The following GLRA2 variants were observed in gnomAD, a reference collection of about 807,000 sequenced individuals.
GLRA2 encodes the protein glycine receptor alpha 2.
A neutral mutation model predicts 31.6 loss-of-function variants in GLRA2; 11 were observed. That is an observed-to-expected ratio of 0.35 (90% CI 0.22 to 0.58). The LOEUF is 0.58. Ranked by LOEUF, GLRA2 falls within the 20% of genes least tolerant of loss-of-function variation. The pLI, the probability that GLRA2 is intolerant of heterozygous loss-of-function variation, is 0.84. For missense variants in GLRA2, 212 were observed against 351.8 expected, an observed-to-expected ratio of 0.60 and a Z score of 3.18; for synonymous variants, 132 against 134.0, an observed-to-expected ratio of 0.99 and a Z score of 0.10.
intron 8 of GLRA2, among the ~76,000 whole-genome samples, chrX:14,716,603 A>G (rs1345751000): frequency 9.0e-6 from 1 of 111,227 alleles, no homozygotes; most frequent in African/African-American, 3.3e-5. Context: ...GATCACTACA[A>G]ACACAATTAT....
At position 14,725,938 on chromosome X, in the gene GLRA2, AT is replaced by A. The variant is rs1427792039; in HGVS notation, c.1081-4266del. On this transcript the variant is annotated intron_variant, in intron 8 of 8. Transcript: ENST00000218075. ...ACTGGATGATTCATTTTCTGTGAGA[AT>A]TTAACTAATCAGTGAATAACAAAAG... is the stretch of plus-strand genomic sequence containing the variant. Among the ~76,000 whole-genome samples the A allele has an allele frequency of 2.7e-5, 3 of 112,629 alleles. No homozygotes were observed. In the Admixed American group the frequency reaches 2.8e-4, roughly 11 times the overall value.
At chrX:14,529,167 T>C, upstream of GLRA2, 1 of 110,577 alleles carries the variant, frequency 9.0e-6, no homozygotes. Context: ...ATTTCAGTAC[T>C]CTGAATCCTG....
At chrX:14,667,808 CTT>C (rs1393738597) in intron 7 of GLRA2, among the ~76,000 whole-genome samples, 5 of 111,667 alleles carry the variant, frequency 4.5e-5, no homozygotes, top group Non-Finnish European at 7.5e-5. Flanking sequence ...ATCTATATTT[CTT>C]TCTCTCTCCT....
intron 2 of GLRA2, among the ~76,000 whole-genome samples, chrX:14,566,175 G>A (rs371526291): frequency 9.0e-6 from 1 of 111,410 alleles, no homozygotes; most frequent in Non-Finnish European, 1.9e-5. Context: ...AGAAGATTAC[G>A]AATAATTTAG....
At chrX:14,576,561 TGC>T (rs1005668429) in intron 3 of GLRA2, among the ~76,000 whole-genome samples, 4 of 112,165 alleles carry the variant, frequency 3.6e-5, no homozygotes, top group Non-Finnish European at 7.5e-5. Flanking sequence ...ATTCCCATGT[TGC>T]TTTGATTAAA....
chrX:14,474,067 T>C, the GLRA2 span, among the ~76,000 whole-genome samples: 1 of 111,360 alleles, frequency 9.0e-6, no homozygotes, highest in Non-Finnish European at 1.9e-5. Context: ...AAATAGCCCA[T>C]AATAATCCTT....
intron 7 of GLRA2, among the ~76,000 whole-genome samples, chrX:14,645,081 C>T (rs1176538390): frequency 6.3e-5 from 7 of 111,611 alleles, no homozygotes; most frequent in Non-Finnish European, 1.3e-4. Flanking sequence ...TACTATATGG[C>T]CATTAATGAG....
intron 1 of GLRA2, among the ~76,000 whole-genome samples, chrX:14,530,520 A>C (rs1228423330): frequency 4.5e-5 from 5 of 111,846 alleles, no homozygotes; most frequent in African/African-American, 1.6e-4. Context: ...TTTTAGATAA[A>C]ATATAAAAGA....
At chrX:14,594,017 C>A (rs2090173251) in intron 4 of GLRA2, among the ~76,000 whole-genome samples, 1 of 112,296 alleles carries the variant, frequency 8.9e-6, no homozygotes, top group Admixed American at 9.4e-5. Context: ...AAAGTGTTAT[C>A]CAGTCAAGGA....
chrX:14,658,486 T>C (rs1165969616), intron 7 of GLRA2, among the ~76,000 whole-genome samples: 3 of 111,938 alleles, frequency 2.7e-5, no homozygotes, highest in Admixed American at 1.9e-4. Context: ...TCATAAGCAA[T>C]GCATGAGAGC....
At chrX:14,467,704 TA>T in the GLRA2 span, among the ~76,000 whole-genome samples, 1 of 111,337 alleles carries the variant, frequency 9.0e-6, no homozygotes, top group Non-Finnish European at 1.9e-5. Context: ...GGAATAGCTG[TA>T]AAAGTTCTAA....
At chrX:14,598,108 T>G (rs1292364367) in intron 4 of GLRA2, among the ~76,000 whole-genome samples, 2 of 111,445 alleles carry the variant, frequency 1.8e-5, no homozygotes, top group African/African-American at 6.5e-5. Context: ...TAAAGAGAGA[T>G]AAATGTGGTC....
Position 14,569,978 on chromosome X carries a change from A to G in GLRA2, c.203-4355A>G, listed in dbSNP as rs5980041. On this transcript the variant is annotated intron_variant, in intron 2 of 8. Coordinates refer to ENST00000218075, the MANE Select transcript of GLRA2 (RefSeq NM_002063.4). Reference sequence around the variant, plus strand: ...GGATGAACCTTGAAAATATTATGCTATAAAAGAAATCAGTCACAAAGGACA... The same window carrying G: ...GGATGAACCTTGAAAATATTATGCTGTAAAAGAAATCAGTCACAAAGGACA... Among the ~76,000 whole-genome samples, 682 of 112,471 alleles carry G rather than the reference A, an allele frequency of 6.1e-3. 2 individuals are homozygous for G. The highest frequency in any genetic ancestry group is 0.041 in the Middle Eastern group (9 of 218).
At chrX:14,710,141 A>G (rs1267266044) in intron 8 of GLRA2, among the ~76,000 whole-genome samples, 2 of 111,821 alleles carry the variant, frequency 1.8e-5, no homozygotes, top group East Asian at 5.6e-4. Flanking sequence ...AGTTGGCAGG[A>G]AGACATCGAG....
At chrX:14,489,490 G>A in the GLRA2 span, among the ~76,000 whole-genome samples, 1 of 112,209 alleles carries the variant, frequency 8.9e-6, no homozygotes, top group African/African-American at 3.2e-5. Flanking sequence ...AAGAAAAGGG[G>A]AAACAGACTC....
At chrX:14,612,424 C>T (rs1178409632) in intron 7 of GLRA2, among the ~76,000 whole-genome samples, 1 of 111,480 alleles carries the variant, frequency 9.0e-6, no homozygotes, top group East Asian at 2.8e-4. Context: ...GACAATTCCT[C>T]AAGGATCTAG....
At chrX:14,660,904 G>T (rs946044895) in intron 7 of GLRA2, among the ~76,000 whole-genome samples, 6 of 112,005 alleles carry the variant, frequency 5.4e-5, no homozygotes, top group Middle Eastern at 4.6e-3. Flanking sequence ...ATAGGAGTGT[G>T]GAGTTAATAG....
intron 7 of GLRA2, among the ~76,000 whole-genome samples, chrX:14,685,601 C>T (rs1000636148): frequency 7.2e-5 from 8 of 111,781 alleles, no homozygotes; most frequent in South Asian, 7.6e-4. Flanking sequence ...AGTTTACTTG[C>T]GTAGAGGTGT....
chrX:14,699,196 C>A (rs2091498466), intron 8 of GLRA2, among the ~76,000 whole-genome samples: 1 of 111,937 alleles, frequency 8.9e-6, no homozygotes, highest in South Asian at 3.7e-4. Flanking sequence ...AATATGTGCA[C>A]CATGTGAAGT....
Sources: allele counts gnomAD v4.1 joint callset (sites outside exome capture counted in the v4.1 genomes callset), GRCh38; gene constraint gnomAD v4.1.1; transcripts MANE v1.5; gene names NCBI Gene and HGNC (gene_info 2026-07-23, HGNC 2026-07-21).